TENM3: variants seen among roughly 807,000 people sequenced by gnomAD.
TENM3 encodes teneurin-3.
In TENM3, 63 loss-of-function variants were observed where a neutral mutation model predicts 255.1. That is an observed-to-expected ratio of 0.25 (90% CI 0.20 to 0.30). TENM3 has a LOEUF of 0.30. Ranked by LOEUF, TENM3 falls within the 10% of genes least tolerant of loss-of-function variation. The probability of loss-of-function intolerance (pLI) is 1.00; values close to 1 mark genes in which losing one functional copy is unlikely to be tolerated. For missense variants in TENM3, 2,929 were observed against 3,461.1 expected (o/e 0.85, Z 3.86); for synonymous variants, 1,306 against 1,322.3 (o/e 0.99, Z 0.27).
the TENM3 span, among the ~76,000 whole-genome samples, chr4:181,670,856 C>G: frequency 5.0e-3 from 756 of 152,276 alleles, 5 homozygotes; most frequent in African/African-American, 0.017. Context: ...TTATAACGCA[C>G]ATTTATTACA....
the TENM3 span, among the ~76,000 whole-genome samples, chr4:181,743,208 G>A: frequency 6.6e-6 from 1 of 152,046 alleles, no homozygotes; most frequent in South Asian, 2.1e-4. Context: ...GGGATGGCTG[G>A]GTCAAATGGT....
intron 2 of TENM3, among the ~76,000 whole-genome samples, chr4:182,338,915 A>C (rs570975926): frequency 1.1e-4 from 17 of 152,338 alleles, no homozygotes; most frequent in African/African-American, 4.1e-4. Flanking sequence ...CTTGGATGCC[A>C]TTATAGTGAA....
intron 12 of TENM3, among the ~76,000 whole-genome samples, chr4:182,711,885 GT>G (rs1204771617): frequency 6.6e-6 from 1 of 151,878 alleles, no homozygotes. Flanking sequence ...GGTTTTGGAG[GT>G]TTTTTTCTTT....
the TENM3 span, among the ~76,000 whole-genome samples, chr4:181,627,356 C>T: frequency 3.3e-5 from 5 of 150,814 alleles, no homozygotes; most frequent in African/African-American, 1.2e-4. Flanking sequence ...TTTTATTATA[C>T]TTAAGTTCTA....
the TENM3 span, among the ~76,000 whole-genome samples, chr4:181,509,863 G>A: frequency 2.0e-5 from 3 of 152,240 alleles, no homozygotes; most frequent in African/African-American, 4.8e-5. Context: ...AGGGTGAGGG[G>A]AATGTGGAAA....
the TENM3 span, among the ~76,000 whole-genome samples, chr4:182,110,525 C>T: frequency 5.9e-5 from 9 of 152,068 alleles, no homozygotes; most frequent in Admixed American, 2.0e-4. Context: ...TGGGTTTCAC[C>T]TAATTGCCCA....
intron 2 of TENM3, among the ~76,000 whole-genome samples, chr4:182,345,158 C>T (rs73011421): frequency 3.3e-5 from 5 of 152,102 alleles, no homozygotes; most frequent in African/African-American, 9.6e-5. Context: ...GAAGTCTGAC[C>T]GAGATAAAGC....
the TENM3 span, among the ~76,000 whole-genome samples, chr4:182,135,413 G>C: frequency 6.6e-6 from 1 of 152,080 alleles, no homozygotes; most frequent in Non-Finnish European, 1.5e-5. Context: ...TAGGTTTCCA[G>C]ACTAAGGTAA....
At chr4:181,732,342 A>G in the TENM3 span, among the ~76,000 whole-genome samples, 5 of 152,208 alleles carry the variant, frequency 3.3e-5, no homozygotes, top group African/African-American at 1.2e-4. Context: ...AATACATTCT[A>G]GAAACATCCC....
chr4:182,332,718 A>G (rs1328763112), intron 2 of TENM3, among the ~76,000 whole-genome samples: 6 of 151,972 alleles, frequency 3.9e-5, no homozygotes, highest in Non-Finnish European at 7.4e-5. Flanking sequence ...GAAAAAAAAA[A>G]AAAGACAAGA....
chr4:181,499,317 TATA>T, the TENM3 span, among the ~76,000 whole-genome samples: 1 of 152,186 alleles, frequency 6.6e-6, no homozygotes, highest in Admixed American at 6.5e-5. Context: ...AGAACTATAA[TATA>T]ATAATTTGGA....
chr4:181,960,231 A>G, the TENM3 span, among the ~76,000 whole-genome samples: 1 of 152,188 alleles, frequency 6.6e-6, no homozygotes, highest in East Asian at 1.9e-4. Context: ...GAAAATGTCA[A>G]AAAGAACAAA....
At chr4:181,947,293 C>T in the TENM3 span, among the ~76,000 whole-genome samples, 1 of 152,102 alleles carries the variant, frequency 6.6e-6, no homozygotes, top group Non-Finnish European at 1.5e-5. Context: ...TTTAAAAATG[C>T]AAAATTGAGT....
At chr4:181,577,731 G>T in the TENM3 span, among the ~76,000 whole-genome samples, 2 of 151,968 alleles carry the variant, frequency 1.3e-5, no homozygotes, top group African/African-American at 2.4e-5. Flanking sequence ...ATCCATTTTG[G>T]TGGGGGTGAA....
the TENM3 span, among the ~76,000 whole-genome samples, chr4:181,839,166 T>C: frequency 6.6e-6 from 1 of 150,534 alleles, no homozygotes; most frequent in Non-Finnish European, 1.5e-5. Flanking sequence ...TCTAAACATA[T>C]GGGAAAGTTC....
the TENM3 span, among the ~76,000 whole-genome samples, chr4:182,117,225 C>G: frequency 1.3e-5 from 2 of 152,148 alleles, no homozygotes; most frequent in African/African-American, 4.8e-5. Context: ...ATCTTCTAGT[C>G]TGTGGCTCGT....
intron 1 of TENM3, among the ~76,000 whole-genome samples, chr4:182,209,169 C>T (rs534514142): frequency 2.0e-5 from 3 of 151,908 alleles, no homozygotes; most frequent in Admixed American, 6.6e-5. Flanking sequence ...GGTTTCACCA[C>T]GTTGGTCAGG....
At chr4:181,449,960 A>G in the TENM3 span, among the ~76,000 whole-genome samples, 1 of 152,190 alleles carries the variant, frequency 6.6e-6, no homozygotes, top group Admixed American at 6.5e-5. Flanking sequence ...GAGCAAAATG[A>G]TATGGTACAT....
intron 22 of TENM3, among the ~76,000 whole-genome samples, chr4:182,763,539 A>G (rs1763394888): frequency 6.7e-6 from 1 of 148,644 alleles, no homozygotes; most frequent in African/African-American, 2.4e-5. Context: ...TGGGCGACAG[A>G]GTGAGACTCC....
Sources: gnomAD v4.1 joint callset for allele counts (sites outside exome capture counted in the v4.1 genomes callset) on GRCh38, gnomAD v4.1.1 for gene constraint, MANE v1.5 for transcripts, NCBI Gene and HGNC (gene_info 2026-07-23, HGNC 2026-07-21) for gene names.